The following ABLIM1 variants were observed in gnomAD, a reference collection of about 807,000 sequenced individuals.
ABLIM1 encodes the protein actin-binding LIM protein 1.
In ABLIM1, 40 loss-of-function variants were observed where a neutral mutation model predicts 107.0. The observed-to-expected ratio is 0.37, with a 90% CI of 0.29 to 0.49. ABLIM1 has a LOEUF of 0.49. ABLIM1 is among the 20% of genes least tolerant of loss of function. The probability of loss-of-function intolerance (pLI) is 0.97; values close to 1 mark genes in which losing one functional copy is unlikely to be tolerated. For missense variants in ABLIM1, 857 were observed against 1,008.5 expected, an observed-to-expected ratio of 0.85 and a Z score of 2.04; for synonymous variants, 357 against 357.3, an observed-to-expected ratio of 1.00 and a Z score of 0.01.
At chr10:114,634,523 C>T (rs534838996) in intron 1 of ABLIM1, among the ~76,000 whole-genome samples, 1 of 152,254 alleles carries the variant, frequency 6.6e-6, no homozygotes, top group South Asian at 2.1e-4. Context: ...CTGAACCTAC[C>T]TGTATACCTT....
the ABLIM1 span, among the ~76,000 whole-genome samples, chr10:114,783,966 G>A: frequency 6.6e-6 from 1 of 152,046 alleles, no homozygotes; most frequent in Non-Finnish European, 1.5e-5. Flanking sequence ...CTTCATGAGA[G>A]TCGTTTCTGG....
At chr10:114,543,567 G>T (rs1273965978) in intron 6 of ABLIM1, among the ~76,000 whole-genome samples, 2 of 152,170 alleles carry the variant, frequency 1.3e-5, no homozygotes, top group African/African-American at 2.4e-5. Context: ...CTACCTTTCG[G>T]CTGATGTGAA....
At chr10:114,763,445 T>C (rs918794268) in intron 1 of ABLIM1, among the ~76,000 whole-genome samples, 3 of 151,948 alleles carry the variant, frequency 2.0e-5, no homozygotes, top group Non-Finnish European at 4.4e-5. Flanking sequence ...TGGAGTGCAG[T>C]GACATGATCT....
chr10:114,605,894 GA>G (rs2076379111), intron 1 of ABLIM1, among the ~76,000 whole-genome samples: 1 of 152,132 alleles, frequency 6.6e-6, no homozygotes. Context: ...GTGCAGGACA[GA>G]AAGCAAAAAT....
intron 1 of ABLIM1, among the ~76,000 whole-genome samples, chr10:114,732,180 C>CTTTTTTTTT (rs113276247): frequency 4.3e-4 from 47 of 109,882 alleles, no homozygotes; most frequent in Admixed American, 5.8e-4. Context: ...CTTTTCTTTT[C>CTTTTTTTTT]TTTTTTTTTT....
At chr10:114,576,306 G>A (rs1394379236) in intron 2 of ABLIM1, among the ~76,000 whole-genome samples, 1 of 152,158 alleles carries the variant, frequency 6.6e-6, no homozygotes, top group Admixed American at 6.5e-5. Context: ...TACGTGTTCA[G>A]ACAAGACCAG....
chr10:114,766,112 G>A (rs1202127554), intron 1 of ABLIM1, among the ~76,000 whole-genome samples: 1 of 152,096 alleles, frequency 6.6e-6, no homozygotes, highest in Non-Finnish European at 1.5e-5. Flanking sequence ...CTTAGCTCAG[G>A]CAAATTTTAT....
At chr10:114,717,592 A>G (rs2081700331) in intron 1 of ABLIM1, among the ~76,000 whole-genome samples, 1 of 152,060 alleles carries the variant, frequency 6.6e-6, no homozygotes. Flanking sequence ...ACTGCCTCCA[A>G]ATAAGTAAAT....
intron 1 of ABLIM1, among the ~76,000 whole-genome samples, chr10:114,748,546 A>G (rs1002642320): frequency 1.3e-5 from 2 of 150,804 alleles, no homozygotes; most frequent in African/African-American, 4.9e-5. Context: ...TGCATGTCCA[A>G]TAAGTTCATT....
intron 16 of ABLIM1, 29 bp downstream of exon 16, chr10:114,445,283 G>A (rs1462053893): frequency 6.3e-7 from 1 of 1,585,758 alleles, no homozygotes; most frequent in Non-Finnish European, 8.7e-7. Context: ...TAGCATTGAA[G>A]ACAGCAGCAA....
upstream of ABLIM1, among the ~76,000 whole-genome samples, chr10:114,769,416 AAAGAAGG>A (rs1414115511): frequency 7.1e-5 from 1 of 14,076 alleles, no homozygotes; most frequent in Non-Finnish European, 1.8e-4. Flanking sequence ...GAAAGAAAGA[AAAGAAGG>A]AAAGAAAGAA....
chr10:114,668,537 T>A (rs1480665052), intron 1 of ABLIM1, among the ~76,000 whole-genome samples: 1 of 152,168 alleles, frequency 6.6e-6, no homozygotes, highest in African/African-American at 2.4e-5. Context: ...GGGGTCTTGC[T>A]ATGTTGCCCA....
intron 1 of ABLIM1, among the ~76,000 whole-genome samples, chr10:114,763,357 T>TTAACATAGTTAAC (rs1363975104): frequency 5.2e-4 from 79 of 152,194 alleles, no homozygotes; most frequent in African/African-American, 1.8e-3. Context: ...TATTTTAATG[T>TTAACATAGTTAAC]ATTATATAGG....
intron 6 of ABLIM1, among the ~76,000 whole-genome samples, chr10:114,504,045 C>G (rs1331015718): frequency 6.6e-6 from 1 of 152,168 alleles, no homozygotes; most frequent in African/African-American, 2.4e-5. Context: ...GTCATGAAGC[C>G]TCAAAATTGG....
chr10:114,579,181 A>AT (rs5788072), intron 2 of ABLIM1, among the ~76,000 whole-genome samples: 29,297 of 152,000 alleles, frequency 0.19, 2,980 homozygotes, highest in Middle Eastern at 0.3. Flanking sequence ...TAGTAAAACA[A>AT]TTTTTTTTAA....
At chr10:114,437,990 C>G in intron 21 of ABLIM1, 66 bp from the exon 22 acceptor site, 15 of 1,453,428 alleles carry the variant, frequency 1.0e-5, no homozygotes, top group Non-Finnish European at 1.3e-5. Context: ...CAGAATCCAC[C>G]TAAACGCTAG....
chr10:114,625,602 A>G (rs2077738412), intron 1 of ABLIM1, among the ~76,000 whole-genome samples: 1 of 152,204 alleles, frequency 6.6e-6, no homozygotes, highest in Admixed American at 6.5e-5. Context: ...GAGCTCTATA[A>G]GGAAGCCAAA....
At chr10:114,552,124 C>T (rs1039538293) in intron 4 of ABLIM1, among the ~76,000 whole-genome samples, 7 of 152,300 alleles carry the variant, frequency 4.6e-5, no homozygotes, top group African/African-American at 1.7e-4. Context: ...GTATATTTCA[C>T]AGAGCCTACC....
intron 1 of ABLIM1, among the ~76,000 whole-genome samples, chr10:114,732,532 T>C (rs1368673073): frequency 1.3e-5 from 2 of 152,196 alleles, no homozygotes; most frequent in Non-Finnish European, 2.9e-5. Flanking sequence ...CAATTTTGCT[T>C]TCTCAATAAT....
Sources: gnomAD v4.1 joint callset for allele counts (sites outside exome capture counted in the v4.1 genomes callset) on GRCh38, gnomAD v4.1.1 for gene constraint, MANE v1.5 for transcripts, NCBI Gene and HGNC (gene_info 2026-07-23, HGNC 2026-07-21) for gene names.